PCGF5: variants seen among roughly 807,000 people sequenced by gnomAD.
The protein encoded by PCGF5 is polycomb group RING finger protein 5.
Under a neutral mutation model 44.3 loss-of-function variants are expected in PCGF5, and 9 were observed. The ratio of observed to expected loss-of-function variants is 0.20; its 90% CI spans 0.12 to 0.35. The LOEUF is 0.35. Among genes scored for constraint, PCGF5 ranks in the 10% least tolerant of loss-of-function variants. The pLI, the probability that PCGF5 is intolerant of heterozygous loss-of-function variation, is 1.00. For synonymous variants in PCGF5, 95 were observed against 102.5 expected (o/e 0.93, Z 0.44); for missense variants, 146 against 305.3 (o/e 0.48, Z 3.89).
chr10:91,193,356 C>T (rs1169676683), intron 1 of PCGF5, among the ~76,000 whole-genome samples: 1 of 149,600 alleles, frequency 6.7e-6, no homozygotes, highest in Non-Finnish European at 1.5e-5. Flanking sequence ...ACCTACACAA[C>T]TGTGAGATGC....
Position 91,185,569 on chromosome 10 carries a change from C to A in PCGF5, c.-184+22488C>A, listed in dbSNP as rs577211564. Among the ~76,000 whole-genome samples, 6 of 152,324 alleles carry A rather than the reference C, an allele frequency of 3.9e-5. No homozygotes were observed. In the South Asian group the frequency reaches 1.2e-3, roughly 32 times the overall value. The stretch of plus-strand genomic sequence containing the variant: ...CTAGGGGTATGTATGGAGGTCTAAC[C>A]TCCCTCTTTGCCTGAGTTGTAGTTA... On this transcript the variant is annotated intron_variant, in intron 1 of 9. Coordinates refer to the PCGF5 transcript ENST00000614189.
At chr10:91,262,013 C>G (rs1309597246) in intron 7 of PCGF5, among the ~76,000 whole-genome samples, 2 of 152,094 alleles carry the variant, frequency 1.3e-5, no homozygotes, top group African/African-American at 4.8e-5. Context: ...GTTTTTAATC[C>G]TAGAGTTATA....
chr10:91,235,353 A>C (rs1250945888), intron 2 of PCGF5, among the ~76,000 whole-genome samples: 4 of 152,212 alleles, frequency 2.6e-5, no homozygotes, highest in Admixed American at 1.3e-4. Flanking sequence ...CAAATCTAAC[A>C]AATGGTAAAA....
upstream of PCGF5, among the ~76,000 whole-genome samples, chr10:91,215,606 G>GC (rs1844526293): frequency 3.3e-5 from 5 of 152,246 alleles, no homozygotes; most frequent in Admixed American, 3.3e-4. Context: ...TCACCACCCA[G>GC]CCCTTCAGGG....
At chr10:91,175,589 T>G (rs1181782121) in intron 1 of PCGF5, among the ~76,000 whole-genome samples, 2 of 152,182 alleles carry the variant, frequency 1.3e-5, no homozygotes, top group Non-Finnish European at 2.9e-5. Flanking sequence ...GCTTTGTTCT[T>G]AAATGTAAAT....
chr10:91,213,472 A>AT (rs35287131), intron 1 of PCGF5, among the ~76,000 whole-genome samples: 36,578 of 151,018 alleles, frequency 0.24, 5,300 homozygotes, highest in East Asian at 0.68. Context: ...ATTAAAAAAA[A>AT]TTTTTTTTTA....
upstream of PCGF5, among the ~76,000 whole-genome samples, chr10:91,161,926 T>A (rs1843391243): frequency 6.6e-6 from 1 of 151,988 alleles, no homozygotes; most frequent in East Asian, 1.9e-4. Context: ...GTACAGCACA[T>A]GCACACAACT....
intron 3 of PCGF5, among the ~76,000 whole-genome samples, chr10:91,245,559 A>G (rs949339245): frequency 1.3e-5 from 2 of 152,090 alleles, no homozygotes; most frequent in African/African-American, 4.8e-5. Flanking sequence ...ATAATGGCGT[A>G]TTTGAAGGGA....
chr10:91,269,671 C>T (rs1351299572), intron 8 of PCGF5, among the ~76,000 whole-genome samples: 3 of 152,046 alleles, frequency 2.0e-5, no homozygotes, highest in Non-Finnish European at 4.4e-5. Flanking sequence ...TACAAATTGT[C>T]CTCTGAAAAG....
chr10:91,226,430 A>T (rs74846382), intron 2 of PCGF5, among the ~76,000 whole-genome samples: 5,896 of 152,204 alleles, frequency 0.039, 370 homozygotes, highest in African/African-American at 0.13. Flanking sequence ...TCCTGAAGCT[A>T]CAGACCATAT....
intron 2 of PCGF5, among the ~76,000 whole-genome samples, chr10:91,236,012 A>T (rs1461515026): frequency 6.6e-6 from 1 of 152,208 alleles, no homozygotes; most frequent in Non-Finnish European, 1.5e-5. Flanking sequence ...CAGGAGTTTG[A>T]GGTTGCAGTG....
intron 5 of PCGF5, among the ~76,000 whole-genome samples, chr10:91,249,925 A>T (rs1010396470): frequency 6.6e-6 from 1 of 152,040 alleles, no homozygotes; most frequent in African/African-American, 2.4e-5. Context: ...AGATAAGGCT[A>T]ATTAAATATT....
chr10:91,156,976 C>A, the PCGF5 span, among the ~76,000 whole-genome samples: 2 of 152,134 alleles, frequency 1.3e-5, no homozygotes, highest in African/African-American at 4.8e-5. Context: ...TAAGACTGCC[C>A]AGTTTTGAAT....
chr10:91,184,471 T>G (rs572121523), intron 1 of PCGF5, among the ~76,000 whole-genome samples: 1 of 152,332 alleles, frequency 6.6e-6, no homozygotes, highest in South Asian at 2.1e-4. Flanking sequence ...TTTAGCGTGA[T>G]TTTTAGCTTC....
chr10:91,260,369 A>G (rs1490673398), intron 6 of PCGF5, among the ~76,000 whole-genome samples: 1 of 152,222 alleles, frequency 6.6e-6, no homozygotes, highest in African/African-American at 2.4e-5. Context: ...GTGGGACTGT[A>G]AACTAGTTCA....
At position 91,281,342 on chromosome 10, in the gene PCGF5, A is replaced by C. The variant is rs978970660; in HGVS notation, c.*3026A>C. 3 of 152,570 alleles carry C rather than the reference A, an allele frequency of 2.0e-5. No homozygotes were observed. Among genetic ancestry groups the C allele is most frequent in the Admixed American group, 2.0e-4 (3 of 15,290 alleles). The allele number at this position is 152,570 out of a possible 1,614,324, so 9.5% of individuals were successfully genotyped here. A position where few individuals can be genotyped will look rare whatever the true frequency, so the allele number is the denominator to read the frequency against. On this transcript the variant is annotated 3_prime_UTR_variant, in exon 10 of 10. Transcript: ENST00000336126. ...AAACGTAATGACTTTGCTCAACTAC[A>C]TTACACACTCAAATGTAATCTAAAT...
At chr10:91,241,340 A>T (rs1246052901) in intron 3 of PCGF5, among the ~76,000 whole-genome samples, 2 of 152,132 alleles carry the variant, frequency 1.3e-5, no homozygotes, top group Admixed American at 1.3e-4. Context: ...AAGTGCTGGG[A>T]TAAAGGTGTG....
At chr10:91,233,437 G>T (rs551709022) in intron 2 of PCGF5, among the ~76,000 whole-genome samples, 23 of 152,238 alleles carry the variant, frequency 1.5e-4, no homozygotes, top group African/African-American at 5.3e-4. Context: ...AAAATAAAGT[G>T]TTGTACTCGG....
chr10:91,238,780 G>A (rs1353901232), intron 2 of PCGF5, among the ~76,000 whole-genome samples: 1 of 151,818 alleles, frequency 6.6e-6, no homozygotes, highest in Non-Finnish European at 1.5e-5. Flanking sequence ...ATTTTGACTT[G>A]AGAAGACATT....
Sources: gnomAD v4.1 joint callset for allele counts (sites outside exome capture counted in the v4.1 genomes callset) on GRCh38, gnomAD v4.1.1 for gene constraint, MANE v1.5 for transcripts, NCBI Gene and HGNC (gene_info 2026-07-23, HGNC 2026-07-21) for gene names.